EVI5: variants seen among roughly 807,000 people sequenced by gnomAD.
EVI5 encodes ecotropic viral integration site 5 protein homolog.
Under a neutral mutation model 112.0 loss-of-function variants are expected in EVI5, and 73 were observed. That is an observed-to-expected ratio of 0.65 (90% CI 0.54 to 0.79). EVI5 has a LOEUF of 0.79. EVI5 is among the 30% of genes least tolerant of loss of function. The pLI is 0.00. For missense variants in EVI5, 900 were observed against 968.8 expected (o/e 0.93, Z 0.94); for synonymous variants, 305 against 319.9 (o/e 0.95, Z 0.50).
At chr1:92,742,143 G>A (rs551110826) in intron 1 of EVI5, among the ~76,000 whole-genome samples, 1 of 152,118 alleles carries the variant, frequency 6.6e-6, no homozygotes, top group Non-Finnish European at 1.5e-5. Context: ...ATTAAAAGAT[G>A]AGCAAAGGAT....
chr1:92,546,266 A>C (rs1665679689), intron 19 of EVI5, among the ~76,000 whole-genome samples: 2 of 152,200 alleles, frequency 1.3e-5, no homozygotes, highest in African/African-American at 4.8e-5. Context: ...CACCCAGCTA[A>C]TCAGTGACAA....
intron 9 of EVI5, among the ~76,000 whole-genome samples, chr1:92,687,699 A>G (rs1033151242): frequency 5.9e-5 from 9 of 152,290 alleles, no homozygotes; most frequent in African/African-American, 7.2e-5. Context: ...TACAAGAAAA[A>G]GACAACTCCA....
At chr1:92,648,203 AAAAAAAAAAAAAAAAC>A (rs1260461793) in intron 13 of EVI5, among the ~76,000 whole-genome samples, 61 of 1,706 alleles carry the variant, frequency 0.036, 1 homozygote, top group Middle Eastern at 0.25. Context: ...AAAAAAAAAA[AAAAAAAAAAAAAAAAC>A]AAAAACCAGC....
intron 9 of EVI5, among the ~76,000 whole-genome samples, chr1:92,678,519 G>C (rs557319546): frequency 6.6e-6 from 1 of 152,138 alleles, no homozygotes; most frequent in East Asian, 1.9e-4. Context: ...ACCCTTCCCT[G>C]CAACGCCCAG....
At chr1:92,753,856 CTACATA>C (rs1680540892) in intron 1 of EVI5, among the ~76,000 whole-genome samples, 1 of 152,164 alleles carries the variant, frequency 6.6e-6, no homozygotes, top group Non-Finnish European at 1.5e-5. Flanking sequence ...CTGTCTCTTG[CTACATA>C]TACCAGCAAA....
intron 2 of EVI5, among the ~76,000 whole-genome samples, chr1:92,728,018 C>CAA (rs35805858): frequency 6.3e-4 from 94 of 148,168 alleles, no homozygotes; most frequent in Middle Eastern, 6.8e-3. Context: ...TAAAGATAAA[C>CAA]AAAAAAAAAT....
chr1:92,642,088 G>T (rs1327123988), intron 13 of EVI5, among the ~76,000 whole-genome samples: 1 of 151,894 alleles, frequency 6.6e-6, no homozygotes, highest in Non-Finnish European at 1.5e-5. Context: ...CCAAGACTGT[G>T]CCACTGCACT....
In EVI5 at chr1:92,583,719, TTC is replaced by T. The variant is rs143010245; in HGVS notation, c.2071-19984_2071-19983del. Among the ~76,000 whole-genome samples, 13 of 150,410 alleles carry T rather than the reference TTC, an allele frequency of 8.6e-5. 1 individual carries two copies. The East Asian group carries it at 2.5e-3, about 29-fold the overall frequency. ...ATAAGCTACTGGAAGTACCAATGCC[TTC>T]TCTCTCTCTCTCTTTTTTTTTTTTT... On this transcript the variant is annotated intron_variant, in intron 18 of 19. Transcript: ENST00000684568.
chr1:92,687,153 C>T (rs1668687988), intron 9 of EVI5, among the ~76,000 whole-genome samples: 1 of 152,136 alleles, frequency 6.6e-6, no homozygotes, highest in African/African-American at 2.4e-5. Flanking sequence ...TACAAGGCTA[C>T]AGTAACCAAA....
At chr1:92,531,600 T>C (rs924418327) in intron 19 of EVI5, among the ~76,000 whole-genome samples, 6 of 152,106 alleles carry the variant, frequency 3.9e-5, no homozygotes, top group Admixed American at 3.9e-4. Context: ...TCAGCAGAAA[T>C]CCTACAAACC....
intron 13 of EVI5, among the ~76,000 whole-genome samples, chr1:92,655,285 C>T (rs1021137008): frequency 1.3e-5 from 2 of 151,276 alleles, no homozygotes; most frequent in Non-Finnish European, 2.9e-5. Flanking sequence ...GACATACTGG[C>T]AGAAACTTTA....
chr1:92,615,201 A>G (rs1025744953), intron 16 of EVI5, among the ~76,000 whole-genome samples: 5 of 152,180 alleles, frequency 3.3e-5, no homozygotes, highest in African/African-American at 1.2e-4. Flanking sequence ...CTCTATACAT[A>G]ATACCTTTGA....
chr1:92,579,600 T>G (rs900517390), intron 18 of EVI5, among the ~76,000 whole-genome samples: 2 of 152,254 alleles, frequency 1.3e-5, no homozygotes, highest in African/African-American at 2.4e-5. Flanking sequence ...ATAGCCATTT[T>G]TCCCCTCTGT....
chr1:92,655,963 A>T (rs1015884432), intron 13 of EVI5, among the ~76,000 whole-genome samples: 2 of 152,204 alleles, frequency 1.3e-5, no homozygotes, highest in Admixed American at 1.3e-4. Context: ...AAACAATAAT[A>T]GAGAAGGACT....
At chr1:92,749,716 T>G (rs1679885518) in intron 1 of EVI5, among the ~76,000 whole-genome samples, 1 of 152,002 alleles carries the variant, frequency 6.6e-6, no homozygotes. Context: ...AAGGAAAAAC[T>G]CCCTCCCCAT....
chr1:92,709,267 T>C (rs1359030577), intron 2 of EVI5, among the ~76,000 whole-genome samples: 2 of 152,192 alleles, frequency 1.3e-5, no homozygotes, highest in Non-Finnish European at 2.9e-5. Context: ...GGTATGTGGG[T>C]TATACATAGG....
chr1:92,631,998 G>A (rs1030173130), intron 14 of EVI5, among the ~76,000 whole-genome samples: 16 of 152,140 alleles, frequency 1.1e-4, no homozygotes, highest in Non-Finnish European at 2.2e-4. Context: ...GATTTGCTAT[G>A]TTGAACCAGC....
chr1:92,786,798 G>C (rs1335827504), upstream of EVI5, among the ~76,000 whole-genome samples: 2 of 152,156 alleles, frequency 1.3e-5, no homozygotes, highest in Non-Finnish European at 2.9e-5. Flanking sequence ...TGAATGGCCA[G>C]GTGCCTTGCC....
chr1:92,763,992 A>C (rs192574958), intron 1 of EVI5, among the ~76,000 whole-genome samples: 207 of 152,308 alleles, frequency 1.4e-3, no homozygotes, highest in Non-Finnish European at 1.2e-3. Flanking sequence ...GAGAAACACC[A>C]AACTAATCTA....
Sources: gnomAD v4.1 joint callset for allele counts (sites outside exome capture counted in the v4.1 genomes callset) on GRCh38, gnomAD v4.1.1 for gene constraint, MANE v1.5 for transcripts, NCBI Gene and HGNC (gene_info 2026-07-23, HGNC 2026-07-21) for gene names.